ZDHHC24: variants seen among roughly 807,000 people sequenced by gnomAD.
ZDHHC24 encodes the protein zDHHC palmitoyltransferase 24.
ZDHHC24 carries 17 observed loss-of-function variants against 23.2 expected under a neutral mutation model. The ratio of observed to expected loss-of-function variants is 0.73; its 90% CI spans 0.50 to 1.10. ZDHHC24 has a LOEUF of 1.10. ZDHHC24 is among the 50% of genes least tolerant of loss of function. ZDHHC24 has a pLI of 0.00. For missense variants in ZDHHC24, 366 were observed against 393.0 expected (o/e 0.93, Z 0.58); for synonymous variants, 186 against 194.5 (o/e 0.96, Z 0.36).
chr11:66,545,789 A>T lies in ZDHHC24; in HGVS notation c.215T>A (p.Phe72Tyr). Residue 72 changes from phenylalanine to tyrosine, a missense_variant, in exon 1 of 3, where the codon TTC becomes TAC. By Grantham distance (22) the Phe-to-Tyr change is conservative (BLOSUM62 3). Transcript: ENST00000310442. The surrounding 1 kb of genome is among the most constrained non-coding windows in gnomAD (Gnocchi z 4.5). The stretch of plus-strand genomic sequence containing the variant: ...ACGGATGCTGGGATCCGAGCGCAGG[A>T]AGAGCCCCACGTTGCCCAGCAGGTT... ...LLNLLGNVGL[F>Y]LRSDPSIRGV... 1.3e-6 allele frequency: 2 copies of T among 1,588,326 alleles called. No homozygotes were observed. Among genetic ancestry groups the T allele is most frequent in the Non-Finnish European group, 8.5e-7 (1 of 1,172,932 alleles).
intron 4 of ZDHHC24, chr11:66,524,032 C>A: frequency 1.6e-6 from 2 of 1,214,082 alleles, no homozygotes; most frequent in Non-Finnish European, 2.3e-6. Context: ...GTAATCCCAG[C>A]ACTTTGGGAG....
Position 66,543,780 on chromosome 11 carries a change from C to G in ZDHHC24, c.483G>C (p.Leu161=), listed in dbSNP as rs772172298. 1 of 1,611,326 alleles carries G rather than the reference C, an allele frequency of 6.2e-7. No individual in the cohort carries two copies. The highest frequency in any genetic ancestry group is 1.7e-5 in the Admixed American group (1 of 59,336). ...LHVSVLLGPA[L]SALLRAHTPL... Reference sequence around the variant, plus strand: ...GCGTGTGGGCTCGCAGCAGGGCCGACAGTGCAGGGCCCAGCAGCACAGAGA... The same window carrying G: ...GCGTGTGGGCTCGCAGCAGGGCCGAGAGTGCAGGGCCCAGCAGCACAGAGA... Residue 161 remains leucine, a synonymous_variant, in exon 2 of 3, where the codon CTG becomes CTC. Coordinates refer to ENST00000310442, the MANE Select transcript of ZDHHC24 (RefSeq NM_207340.3).
At chr11:66,526,148 G>A in intron 4 of ZDHHC24, 1 of 1,614,192 alleles carries the variant, frequency 6.2e-7, no homozygotes, top group South Asian at 1.1e-5. Context: ...CTTTGCTTTG[G>A]CCGGTACGGG....
Position 66,545,992 on chromosome 11 carries a change from G to C in ZDHHC24, c.12C>G (p.Pro4=). 7.1e-7 allele frequency: 1 copy of C among 1,406,716 alleles called. No homozygotes were observed. Among genetic ancestry groups the C allele is most frequent in the Non-Finnish European group, 9.1e-7 (1 of 1,093,544 alleles). 87.1% of individuals were successfully genotyped at this position (1,406,716 alleles called of 1,614,324 possible). A position where few individuals can be genotyped will look rare whatever the true frequency, so the allele number is the denominator to read the frequency against. Residue 4 remains proline (P), a synonymous_variant, in exon 1 of 3, where the codon CCC becomes CCG. Transcript: ENST00000310442. This position sits in a 1 kb window ranked among gnomAD's most constrained non-coding sequence, Gnocchi z 4.5. ...CCCCGTCCGTGCTCCCAGCCGCCCA[G>C]GGCTGCCCCATGGCCTGGACACCCA... The part of the protein sequence containing the change: MGQ[P]WAAGSTDGAP...
At chr11:66,523,225 G>A in intron 4 of ZDHHC24, 1 of 656,214 alleles carries the variant, frequency 1.5e-6, no homozygotes, top group Non-Finnish European at 2.8e-6. Context: ...ACACCATAGT[G>A]AAGGTGGGAG....
chr11:66,526,868 T>A, intron 4 of ZDHHC24: 3 of 1,613,842 alleles, frequency 1.9e-6, no homozygotes, highest in Non-Finnish European at 2.5e-6. Flanking sequence ...ACAGCAAAGC[T>A]GGGGGAATGC....
chr11:66,541,798 C>T (rs3867132), intron 2 of ZDHHC24, among the ~76,000 whole-genome samples: 17,306 of 151,978 alleles, frequency 0.11, 1,272 homozygotes, highest in Non-Finnish European at 0.17. Flanking sequence ...AGAAAGGGTC[C>T]TGGAGTGTGT....
intron 4 of ZDHHC24, chr11:66,521,632 G>C: frequency 2.1e-6 from 1 of 477,892 alleles, no homozygotes; most frequent in Non-Finnish European, 3.8e-6. Flanking sequence ...CAGGCTGGGC[G>C]CTGTGGCTCA....
At chr11:66,522,382 C>T (rs1037625558) in intron 4 of ZDHHC24, among the ~76,000 whole-genome samples, 10 of 149,646 alleles carry the variant, frequency 6.7e-5, no homozygotes, top group Non-Finnish European at 1.3e-4. Flanking sequence ...GAGTCTCACT[C>T]TGTCACCCAG....
intron 4 of ZDHHC24, chr11:66,523,964 C>G (rs1286528660): frequency 1.9e-6 from 3 of 1,571,740 alleles, no homozygotes; most frequent in African/African-American, 2.7e-5. Context: ...CCTCTTCCGA[C>G]CACACATTGA....
intron 3 of ZDHHC24, among the ~76,000 whole-genome samples, chr11:66,528,267 A>G (rs1856607504): frequency 6.6e-6 from 1 of 152,240 alleles, no homozygotes; most frequent in African/African-American, 2.4e-5. Flanking sequence ...ACTATCTTCA[A>G]GAACAGAAAA....
chr11:66,529,806 C>T lies in ZDHHC24; in HGVS notation c.560-318G>A, dbSNP rs752633329. 2.5e-6 allele frequency: 4 copies of T among 1,610,532 alleles called. No individual in the cohort carries two copies. The East Asian group carries it at 6.7e-5, about 27-fold the overall frequency. On this transcript the variant is annotated intron_variant, in intron 2 of 4. Transcript: ENST00000526986. ...CCACCTCCACCGTCAGCCTCTGGGA[C>T]CCTTCTCCACAGCCATGCACCGGGC...
chr11:66,529,947 G>A lies in ZDHHC24; in HGVS notation c.560-459C>T, dbSNP rs748627604. 5 of 1,601,074 alleles carry A rather than the reference G, an allele frequency of 3.1e-6. No individual in the cohort carries two copies. The highest frequency in any genetic ancestry group is 3.4e-5 in the Admixed American group (2 of 59,554). The stretch of plus-strand genomic sequence containing the variant: ...AGCCCGAGAGCCACTCAAGCTGCAC[G>A]CCGTGGTGAGCATCTGGGTGAGGGC... On this transcript the variant is annotated intron_variant, in intron 2 of 4. Transcript: ENST00000526986.
intron 4 of ZDHHC24, chr11:66,522,720 A>ACGCCG: frequency 4.9e-6 from 1 of 205,330 alleles, no homozygotes; most frequent in Non-Finnish European, 9.9e-6. Flanking sequence ...GGTATTAGGG[A>ACGCCG]TATATTGATG....
At chr11:66,530,963 C>G (rs1856754378), downstream of ZDHHC24, 1 of 1,614,252 alleles carries the variant, frequency 6.2e-7, no homozygotes, top group Non-Finnish European at 8.5e-7. Context: ...CCGTCCTGTC[C>G]TGGGGCTGCT....
intron 1 of ZDHHC24, among the ~76,000 whole-genome samples, chr11:66,544,637 C>T (rs1857256597): frequency 6.6e-6 from 1 of 152,148 alleles, no homozygotes; most frequent in South Asian, 2.1e-4. Flanking sequence ...CCCACGCCCT[C>T]CAAGTTTTTT....
In ZDHHC24 at chr11:66,545,234, G is replaced by C. The variant is rs964487832; in HGVS notation, c.281+489C>G. Among the ~76,000 whole-genome samples, 1 of 152,208 alleles carries C rather than the reference G, an allele frequency of 6.6e-6. No homozygotes were observed. Among genetic ancestry groups the C allele is most frequent in the South Asian group, 2.1e-4 (1 of 4,814 alleles). ...TTTTTATATTTTTAGTAGAGACGGG[G>C]TTTCACCACGTTGGCTAGGCTGGTA... On this transcript the variant is annotated intron_variant, in intron 1 of 2. Transcript: ENST00000310442. The surrounding 1 kb of genome is among the most constrained non-coding windows in gnomAD (Gnocchi z 4.5).
chr11:66,536,002 A>G lies in ZDHHC24; in HGVS notation c.*3527T>C, dbSNP rs1413716348. The G allele has an allele frequency of 6.6e-6, 1 of 152,226 alleles. No homozygotes were observed. The highest frequency in any genetic ancestry group is 1.5e-5 in the Non-Finnish European group (1 of 68,036). The allele number at this position is 152,226 out of a possible 1,614,324, so 9.4% of individuals were successfully genotyped here. A position where few individuals can be genotyped will look rare whatever the true frequency, so the allele number is the denominator to read the frequency against. On this transcript the variant is annotated 3_prime_UTR_variant, in exon 3 of 3. Coordinates refer to ENST00000310442, the MANE Select transcript of ZDHHC24 (RefSeq NM_207340.3). The stretch of plus-strand genomic sequence containing the variant: ...CCGGATACATCTCAGGAACATAATC[A>G]AGTGAAAAGGCAAACTGTAAAAGAA...
chr11:66,524,623 G>C (rs1201393241), intron 4 of ZDHHC24, among the ~76,000 whole-genome samples: 1 of 152,196 alleles, frequency 6.6e-6, no homozygotes, highest in African/African-American at 2.4e-5. Flanking sequence ...CACAAAGCCT[G>C]AGAAGTATGA....
Sources: gnomAD v4.1 joint callset for allele counts (sites outside exome capture counted in the v4.1 genomes callset) on GRCh38, gnomAD v4.1.1 for gene constraint, Gnocchi (gnomAD v3.1) non-coding constraint, MANE v1.5 for transcripts, NCBI Gene and HGNC (gene_info 2026-07-23, HGNC 2026-07-21) for gene names.